Variants in GOSR2 observed in about 807,000 individuals in gnomAD.
GOSR2 encodes 27 kDa Golgi SNARE protein.
Under a neutral mutation model 27.9 loss-of-function variants are expected in GOSR2, and 20 were observed. The observed-to-expected ratio is 0.72, with a 90% confidence interval of 0.50 to 1.04. GOSR2 has a LOEUF of 1.04. Among genes scored for constraint, GOSR2 ranks in the 50% least tolerant of loss-of-function variants. The probability of loss-of-function intolerance (pLI) is 0.00; values close to 1 mark genes in which losing one functional copy is unlikely to be tolerated. For synonymous variants in GOSR2, 91 were observed against 98.8 expected, an observed-to-expected ratio of 0.92 and a Z score of 0.47; for missense variants, 261 against 270.5, an observed-to-expected ratio of 0.97 and a Z score of 0.25.
intron 4 of GOSR2, chr17:46,933,197 G>GT (rs1598999248): frequency 6.6e-6 from 1 of 152,200 alleles, no homozygotes; most frequent in Non-Finnish European, 1.5e-5. Flanking sequence ...GGATTATTTT[G>GT]TTTTTTGCCA....
In GOSR2 at chr17:46,940,528, C is replaced by T. The variant is rs374383310; in HGVS notation, c.*1768C>T. On this transcript the variant is annotated 3_prime_UTR_variant, in exon 6 of 6. Transcript: ENST00000640051. ...ATCCATAAAATGGATTCTGAGACTGCGACGGCAAGGCTGTCCTGTCCCCCA... is the reference window on the plus strand; with the variant it reads ...ATCCATAAAATGGATTCTGAGACTGTGACGGCAAGGCTGTCCTGTCCCCCA... 8.1e-6 allele frequency: 13 copies of T among 1,613,796 alleles called. No homozygotes were observed. The African/African-American group carries it at 9.3e-5, about 12-fold the overall frequency.
At chr17:46,931,776 A>G (rs765366630) in intron 3 of GOSR2, 2 of 494,224 alleles carry the variant, frequency 4.0e-6, no homozygotes, top group Non-Finnish European at 7.4e-6. Context: ...AGAAGAGGTC[A>G]GTGAGCCTGC....
At chr17:46,942,053 AG>A (rs2089352552), downstream of GOSR2, 1 of 601,296 alleles carries the variant, frequency 1.7e-6, no homozygotes, top group Non-Finnish European at 2.1e-6. Context: ...GGAGACTTTG[AG>A]GAAATAACTG....
At chr17:46,966,356 C>T (rs1225542178) in intron 6 of GOSR2, among the ~76,000 whole-genome samples, 1 of 152,138 alleles carries the variant, frequency 6.6e-6, no homozygotes, top group Non-Finnish European at 1.5e-5. Flanking sequence ...CGATCATGGC[C>T]CATTGTGTGA....
intron 6 of GOSR2, among the ~76,000 whole-genome samples, chr17:46,951,211 G>A (rs1362008820): frequency 6.6e-6 from 1 of 152,184 alleles, no homozygotes; most frequent in Non-Finnish European, 1.5e-5. Flanking sequence ...AGAGGTGGAC[G>A]CAGCCCACAG....
At chr17:46,970,766 T>C (rs539935412), downstream of GOSR2, among the ~76,000 whole-genome samples, 2 of 152,294 alleles carry the variant, frequency 1.3e-5, no homozygotes, top group East Asian at 3.9e-4. Flanking sequence ...GAGAACCAGG[T>C]ACAAGCCTGA....
chr17:46,936,102 T>G (rs1165816982), intron 5 of GOSR2: 45 of 985,824 alleles, frequency 4.6e-5, no homozygotes, highest in Non-Finnish European at 5.3e-5. Flanking sequence ...CACCTCCTGC[T>G]GACAGTTGCA....
intron 1 of GOSR2, chr17:46,923,684 A>G (rs1160920757): frequency 3.9e-6 from 3 of 766,174 alleles, no homozygotes; most frequent in Admixed American, 4.2e-5. Flanking sequence ...TAAAGACCAC[A>G]TTTTTATGGT....
chr17:46,940,541 G>A lies in GOSR2; in HGVS notation c.*1781G>A. 10 of 1,614,126 alleles carry A rather than the reference G, an allele frequency of 6.2e-6. No homozygotes were observed. Among genetic ancestry groups the A allele is most frequent in the Non-Finnish European group, 6.8e-6 (8 of 1,179,998 alleles). On this transcript the variant is annotated 3_prime_UTR_variant, in exon 6 of 6. Transcript: ENST00000640051. Reference sequence around the variant, plus strand: ...ATTCTGAGACTGCGACGGCAAGGCTGTCCTGTCCCCCAGGCACCCAAGGAT... The same window carrying A: ...ATTCTGAGACTGCGACGGCAAGGCTATCCTGTCCCCCAGGCACCCAAGGAT...
At chr17:46,925,714 A>G (rs197918) in intron 1 of GOSR2, among the ~76,000 whole-genome samples, 48,929 of 152,020 alleles carry the variant, frequency 0.32, 8,878 homozygotes, top group South Asian at 0.48. Context: ...AGCTGAACTT[A>G]TTAATTTTAC....
chr17:46,939,580 T>C lies in GOSR2; in HGVS notation c.*820T>C. On this transcript the variant is annotated 3_prime_UTR_variant, in exon 6 of 6. Coordinates refer to ENST00000640051, the MANE Select transcript of GOSR2 (RefSeq NM_004287.5). ...TTAGAAAGTAGCTGTAGGCAAAGAT[T>C]TGTGATTTTCCAATTACAGTCTCAG... is the stretch of plus-strand genomic sequence containing the variant. 1.0e-6 allele frequency: 1 copy of C among 985,430 alleles called. No individual in the cohort carries two copies. The highest frequency in any genetic ancestry group is 1.2e-6 in the Non-Finnish European group (1 of 829,900). The allele number at this position is 985,430 out of a possible 1,614,324, so 61.0% of individuals were successfully genotyped here.
At chr17:46,926,501 G>C (rs2086522282) in intron 1 of GOSR2, among the ~76,000 whole-genome samples, 1 of 152,104 alleles carries the variant, frequency 6.6e-6, no homozygotes, top group African/African-American at 2.4e-5. Context: ...CTATTTCTCT[G>C]CTTTGTTATA....
downstream of GOSR2, among the ~76,000 whole-genome samples, chr17:46,968,237 C>T (rs981175000): frequency 1.3e-5 from 2 of 152,198 alleles, no homozygotes; most frequent in African/African-American, 4.8e-5. Context: ...AGAGACCTCC[C>T]TGCTCCAACT....
intron 6 of GOSR2, among the ~76,000 whole-genome samples, chr17:46,974,700 C>G (rs535719065): frequency 1.3e-4 from 19 of 150,830 alleles, no homozygotes; most frequent in Non-Finnish European, 1.6e-4. Context: ...CACCACTGCA[C>G]TCCAGCCTGG....
chr17:46,945,243 T>C (rs949002191), downstream of GOSR2, among the ~76,000 whole-genome samples: 5 of 152,132 alleles, frequency 3.3e-5, no homozygotes, highest in African/African-American at 1.2e-4. Flanking sequence ...CTGCACGACA[T>C]CCTCCACGCA....
At chr17:46,973,477 G>A (rs930311590) in intron 6 of GOSR2, among the ~76,000 whole-genome samples, 1 of 152,044 alleles carries the variant, frequency 6.6e-6, no homozygotes, top group Non-Finnish European at 1.5e-5. Flanking sequence ...TTGCTTCGTT[G>A]TTGAAAATTG....
chr17:46,935,433 A>G, intron 5 of GOSR2: 1 of 1,418,930 alleles, frequency 7.0e-7, no homozygotes, highest in Non-Finnish European at 9.2e-7. Context: ...TGAACTTATC[A>G]TGAAAGTGAG....
At chr17:46,950,252 C>A (rs2090232341) in intron 6 of GOSR2, among the ~76,000 whole-genome samples, 1 of 152,232 alleles carries the variant, frequency 6.6e-6, no homozygotes, top group South Asian at 2.1e-4. Flanking sequence ...ATTCTTGGGT[C>A]TTCTTCCCTC....
chr17:46,923,349 GA>G, intron 1 of GOSR2, 128 bp downstream of exon 1: 1 of 1,519,218 alleles, frequency 6.6e-7, no homozygotes, highest in Non-Finnish European at 8.8e-7. Context: ...CACTGCTGGG[GA>G]TGCCTCCGAA....
Sources: allele counts gnomAD v4.1 joint callset (sites outside exome capture counted in the v4.1 genomes callset), GRCh38; gene constraint gnomAD v4.1.1; transcripts MANE v1.5; gene names NCBI Gene and HGNC (gene_info 2026-07-23, HGNC 2026-07-21).